The following ZHX2 variants were observed in gnomAD, a reference collection of about 807,000 sequenced individuals.
The protein encoded by ZHX2 is zinc fingers and homeoboxes 2.
Under a neutral mutation model 21.9 loss-of-function variants are expected in ZHX2, and 6 were observed. The observed-to-expected ratio is 0.27, with a 90% CI of 0.15 to 0.54. The LOEUF (loss-of-function observed/expected upper bound fraction) is 0.54. Ranked by LOEUF, ZHX2 falls within the 20% of genes least tolerant of loss-of-function variation. ZHX2 has a pLI of 0.95. For missense variants in ZHX2, 908 were observed against 1,090.7 expected (o/e 0.83, Z 2.36); for synonymous variants, 434 against 437.1 (o/e 0.99, Z 0.09).
chr8:122,803,641 C>T (rs1817761668), intron 1 of ZHX2, among the ~76,000 whole-genome samples: 1 of 152,242 alleles, frequency 6.6e-6, no homozygotes, highest in African/African-American at 2.4e-5. Context: ...GTCCCAATCT[C>T]CTCTTCCCCC....
intron 1 of ZHX2, among the ~76,000 whole-genome samples, chr8:122,848,725 G>A (rs1372280616): frequency 6.6e-6 from 1 of 152,198 alleles, no homozygotes; most frequent in African/African-American, 2.4e-5. Flanking sequence ...GAGAGGGAAT[G>A]GACAATCGCT....
At chr8:122,935,073 T>G (rs1323009423) in intron 2 of ZHX2, among the ~76,000 whole-genome samples, 1 of 152,170 alleles carries the variant, frequency 6.6e-6, no homozygotes, top group African/African-American at 2.4e-5. Context: ...TTTTATCCAC[T>G]TTATAAAAAC....
chr8:122,954,498 G>A (rs755895151), intron 3 of ZHX2, among the ~76,000 whole-genome samples: 11 of 150,848 alleles, frequency 7.3e-5, no homozygotes, highest in South Asian at 2.1e-4. Context: ...TGGTAGAGAC[G>A]GGGTCTCACT....
intron 2 of ZHX2, among the ~76,000 whole-genome samples, chr8:122,874,311 C>T (rs1204959241): frequency 1.3e-5 from 2 of 152,204 alleles, no homozygotes; most frequent in South Asian, 2.1e-4. Flanking sequence ...TCATCCAGCA[C>T]TCACTCAATA....
Position 122,952,981 on chromosome 8 carries a change from C to T in ZHX2, c.1471C>T (p.Arg491Ter), listed in dbSNP as rs759467471. ...SEIKKWFSDHRYRCQRGIVHI... is the reference protein window; with the variant it reads ...SEIKKWFSDH ...GATCAAGAAGTGGTTCAGTGACCAC[C>T]GATATCGGTGTCAAAGGGGCATCGT... Residue 491 changes from arginine (R) to a stop codon, truncating the protein, a stop_gained, in exon 3 of 4, where the codon CGA (arginine) becomes TGA (stop). Transcript: ENST00000314393. LOFTEE classifies it low-confidence loss of function (END_TRUNC). The surrounding 1 kb of genome is among the most constrained non-coding windows in gnomAD (Gnocchi z 6.9). 1.2e-6 allele frequency: 2 copies of T among 1,613,994 alleles called. No homozygotes were observed. The highest frequency in any genetic ancestry group is 1.7e-5 in the Admixed American group (1 of 60,020).
At chr8:122,904,944 AT>A (rs1008271128) in intron 2 of ZHX2, among the ~76,000 whole-genome samples, 4 of 152,358 alleles carry the variant, frequency 2.6e-5, no homozygotes, top group African/African-American at 9.6e-5. Flanking sequence ...TTCTCAGCAA[AT>A]AAACGACATA....
intron 1 of ZHX2, among the ~76,000 whole-genome samples, chr8:122,835,990 C>G (rs1818486929): frequency 6.6e-6 from 1 of 151,926 alleles, no homozygotes; most frequent in African/African-American, 2.4e-5. Context: ...TATGAGGCAG[C>G]CTAGAGGGCT....
At chr8:122,902,354 A>G (rs1164073485) in intron 2 of ZHX2, among the ~76,000 whole-genome samples, 1 of 152,224 alleles carries the variant, frequency 6.6e-6, no homozygotes, top group Non-Finnish European at 1.5e-5. Context: ...TTTTAGTGAC[A>G]TTGCCTGGGT....
At chr8:122,799,668 A>G (rs1188847876) in intron 1 of ZHX2, among the ~76,000 whole-genome samples, 1 of 152,114 alleles carries the variant, frequency 6.6e-6, no homozygotes, top group African/African-American at 2.4e-5. Flanking sequence ...CCATGGAGGA[A>G]GGCTGAGGGC....
chr8:122,866,210 C>T (rs889613601), intron 2 of ZHX2, among the ~76,000 whole-genome samples: 10 of 152,190 alleles, frequency 6.6e-5, no homozygotes, highest in Non-Finnish European at 1.2e-4. Context: ...AGTGTGGTCT[C>T]AAGCCACACA....
chr8:122,883,647 G>A (rs1286490124), intron 2 of ZHX2, among the ~76,000 whole-genome samples: 1 of 152,144 alleles, frequency 6.6e-6, no homozygotes, highest in Non-Finnish European at 1.5e-5. Context: ...AATAAAAGCA[G>A]TAGCATAGTT....
intron 2 of ZHX2, among the ~76,000 whole-genome samples, chr8:122,868,306 TTAGTCTCTGAGAATCTTCA>T (rs1819346077): frequency 6.6e-6 from 1 of 152,160 alleles, no homozygotes; most frequent in African/African-American, 2.4e-5. Context: ...TCTTTCATCT[TTAGTCTCTGAGAATCTTCA>T]GGAGAAAGAT....
chr8:122,826,321 C>T (rs892421230), intron 1 of ZHX2, among the ~76,000 whole-genome samples: 1 of 152,190 alleles, frequency 6.6e-6, no homozygotes, highest in East Asian at 1.9e-4. Flanking sequence ...GCCATTTCTG[C>T]CTGCCATGCC....
Position 122,896,615 on chromosome 8 carries a change from T to A in ZHX2, c.-220+33076T>A, listed in dbSNP as rs78948370. Among the ~76,000 whole-genome samples the A allele has an allele frequency of 2.1e-3, 320 of 152,374 alleles. 1 individual carries two copies. Among genetic ancestry groups the A allele is most frequent in the African/African-American group, 7.3e-3 (305 of 41,588 alleles). On this transcript the variant is annotated intron_variant, in intron 2 of 3. Coordinates refer to ENST00000314393, the MANE Select transcript of ZHX2 (RefSeq NM_014943.5). ...GCCATGAGCAAAACAGTTTTTCTCCTGACAAGGAACTTACATACTAGAAGC... is the reference window on the plus strand; with the variant it reads ...GCCATGAGCAAAACAGTTTTTCTCCAGACAAGGAACTTACATACTAGAAGC...
intron 1 of ZHX2, among the ~76,000 whole-genome samples, chr8:122,822,912 A>C (rs1365133260): frequency 6.6e-6 from 1 of 152,218 alleles, no homozygotes; most frequent in Non-Finnish European, 1.5e-5. Flanking sequence ...GCTTGCTGCA[A>C]TAGGACTTGA....
Position 122,828,274 on chromosome 8 carries a change from C to T in ZHX2, c.-282-35203C>T, listed in dbSNP as rs1355839396. ...CCTAGGGCTTAGGAGAGGAATGAAACAAAAATTCCTGTTTCTTCAGGAGCT... is the reference window on the plus strand; with the variant it reads ...CCTAGGGCTTAGGAGAGGAATGAAATAAAAATTCCTGTTTCTTCAGGAGCT... On this transcript the variant is annotated intron_variant, in intron 1 of 3. Coordinates refer to ENST00000314393, the MANE Select transcript of ZHX2 (RefSeq NM_014943.5). The surrounding 1 kb of genome is among the most constrained non-coding windows in gnomAD (Gnocchi z 5.2). Among the ~76,000 whole-genome samples the T allele has an allele frequency of 1.3e-5, 2 of 152,108 alleles. No individual in the cohort carries two copies. The highest frequency in any genetic ancestry group is 2.9e-5 in the Non-Finnish European group (2 of 68,010).
chr8:122,965,948 G>A (rs775130022), intron 3 of ZHX2, among the ~76,000 whole-genome samples: 6 of 151,828 alleles, frequency 4.0e-5, no homozygotes, highest in Non-Finnish European at 7.4e-5. Context: ...AGTCTGTTTT[G>A]TCTGCTATAA....
chr8:122,789,613 T>C (rs190024983), intron 1 of ZHX2, among the ~76,000 whole-genome samples: 1 of 152,304 alleles, frequency 6.6e-6, no homozygotes, highest in East Asian at 1.9e-4. Flanking sequence ...CTGGCGGTGA[T>C]GGGGTGTGCC....
At chr8:122,857,051 C>T (rs1233459698) in intron 1 of ZHX2, among the ~76,000 whole-genome samples, 1 of 152,176 alleles carries the variant, frequency 6.6e-6, no homozygotes. Flanking sequence ...CCACACATGC[C>T]CTTCGCCGCT....
Sources: gnomAD v4.1 joint callset for allele counts (sites outside exome capture counted in the v4.1 genomes callset) on GRCh38, gnomAD v4.1.1 for gene constraint, Gnocchi (gnomAD v3.1) non-coding constraint, MANE v1.5 for transcripts, NCBI Gene and HGNC (gene_info 2026-07-23, HGNC 2026-07-21) for gene names.